Variants in PLA2G2E observed in about 807,000 individuals in gnomAD.
PLA2G2E encodes phospholipase A2 group IIE.
Under a neutral mutation model 16.5 loss-of-function variants are expected in PLA2G2E, and 14 were observed. The ratio of observed to expected loss-of-function variants is 0.85; its 90% CI spans 0.56 to 1.33. The LOEUF (loss-of-function observed/expected upper bound fraction) is 1.33, where lower values mean the gene tolerates loss of function less well. Among genes scored for constraint, PLA2G2E ranks in the 40% most tolerant of loss-of-function variants. The pLI, the probability that PLA2G2E is intolerant of heterozygous loss-of-function variation, is 0.00. For missense variants in PLA2G2E, 174 were observed against 190.7 expected (o/e 0.91, Z 0.52); for synonymous variants, 72 against 77.2 (o/e 0.93, Z 0.36).
intron 3 of PLA2G2E, among the ~76,000 whole-genome samples, chr1:19,921,677 C>A (rs2045817438): frequency 6.6e-6 from 1 of 152,256 alleles, no homozygotes; most frequent in South Asian, 2.1e-4. Flanking sequence ...GCCCACCAGG[C>A]CCTGCCCTTC....
chr1:19,922,541 CCTT>C (rs2045824451), intron 2 of PLA2G2E, 73 bp downstream of exon 2: 1 of 1,584,460 alleles, frequency 6.3e-7, no homozygotes, highest in Non-Finnish European at 8.6e-7. Context: ...AGGCTTCCCT[CCTT>C]CTCCCAGGAT....
chr1:19,920,494 T>C lies in PLA2G2E; in HGVS notation c.287-45A>G, dbSNP rs11589621. 0.016 allele frequency: 25,341 copies of C among 1,598,186 alleles called. 801 individuals are homozygous for C. Among genetic ancestry groups the C allele is most frequent in the African/African-American group, 0.13 (9,998 of 74,804 alleles). On this transcript the variant is annotated intron_variant, in intron 3 of 3. Coordinates refer to ENST00000375116, the MANE Select transcript of PLA2G2E (RefSeq NM_014589.3). This position sits in a 1 kb window ranked among gnomAD's most constrained non-coding sequence, Gnocchi z 4.3. The stretch of plus-strand genomic sequence containing the variant: ...TCAGGGACCACAGAAGCTCAGGATA[T>C]GTGTGGGACAGCTCTTGGCTGCTTC...
rs893179574 is a variant in PLA2G2E at position 19,920,293 on chromosome 1, G to A, written c.*14C>T. ...GCGGGACCTCCAGGGACGGGGGGGA[G>A]GCCGAGCATAGCCTCAGCAGGGCGG... is the stretch of plus-strand genomic sequence containing the variant. On this transcript the variant is annotated 3_prime_UTR_variant, in exon 4 of 4. Coordinates refer to ENST00000375116, the MANE Select transcript of PLA2G2E (RefSeq NM_014589.3). The surrounding 1 kb of genome is among the most constrained non-coding windows in gnomAD (Gnocchi z 4.3). The A allele has an allele frequency of 1.3e-5, 21 of 1,606,514 alleles. No homozygotes were observed. The highest frequency in any genetic ancestry group is 1.7e-5 in the Non-Finnish European group (20 of 1,175,950).
chr1:19,922,569 C>T (rs1188702022), intron 2 of PLA2G2E, 48 bp downstream of exon 2: 3 of 1,606,456 alleles, frequency 1.9e-6, no homozygotes, highest in East Asian at 2.2e-5. Context: ...CCAGGATCCC[C>T]CAGCTCCTCC....
At position 19,920,150 on chromosome 1, in the gene PLA2G2E, A is replaced by G. The variant is rs2045802974; in HGVS notation, c.*157T>C. ...GAAGGGGTAGCCTGGGAGGCTAGTG[A>G]TGGTCCAGGACATATCTCTGAGCTC... On this transcript the variant is annotated 3_prime_UTR_variant, in exon 4 of 4. Coordinates refer to ENST00000375116, the MANE Select transcript of PLA2G2E (RefSeq NM_014589.3). The surrounding 1 kb of genome is among the most constrained non-coding windows in gnomAD (Gnocchi z 4.3). 1.6e-6 allele frequency: 1 copy of G among 634,332 alleles called. No homozygotes were observed. Among genetic ancestry groups the G allele is most frequent in the African/African-American group, 1.8e-5 (1 of 54,438 alleles). The allele number at this position is 634,332 out of a possible 1,614,324, so 39.3% of individuals were successfully genotyped here.
chr1:19,922,570 C>G, intron 2 of PLA2G2E, 47 bp downstream of exon 2: 2 of 1,606,732 alleles, frequency 1.2e-6, no homozygotes, highest in Non-Finnish European at 1.7e-6. Context: ...CAGGATCCCC[C>G]AGCTCCTCCA....
intron 2 of PLA2G2E, 77 bp from the exon 3 acceptor site, chr1:19,922,481 G>A: frequency 6.5e-7 from 1 of 1,537,158 alleles, no homozygotes; most frequent in South Asian, 1.2e-5. Context: ...GGGCCCCCGA[G>A]CCCAAAGCAG....
At position 19,920,562 on chromosome 1, in the gene PLA2G2E, A is replaced by T. The variant is rs947715523; in HGVS notation, c.287-113T>A. On this transcript the variant is annotated intron_variant, in intron 3 of 3. Transcript: ENST00000375116. The surrounding 1 kb of genome is among the most constrained non-coding windows in gnomAD (Gnocchi z 4.3). ...CCTGGACCAACTCCATTCTGATGGA[A>T]GCCCAAGCTCCCGGGTTGTTTCACG... 2.8e-6 allele frequency: 3 copies of T among 1,074,300 alleles called. No individual in the cohort carries two copies. The African/African-American group carries it at 4.7e-5, about 17-fold the overall frequency. The allele number at this position is 1,074,300 out of a possible 1,614,324, so 66.5% of individuals were successfully genotyped here.
intron 1 of PLA2G2E, 35 bp from the exon 2 acceptor site, chr1:19,922,790 C>G (rs1557688786): frequency 1.3e-6 from 2 of 1,493,430 alleles, no homozygotes; most frequent in Non-Finnish European, 1.8e-6. Context: ...AGAGGGAGGG[C>G]CCCACCCTCT....
intron 1 of PLA2G2E, among the ~76,000 whole-genome samples, chr1:19,922,981 C>T (rs1557688877): frequency 6.6e-6 from 1 of 152,134 alleles, no homozygotes; most frequent in Non-Finnish European, 1.5e-5. Flanking sequence ...TGTGTCAGCG[C>T]CCCCAGTGTC....
At chr1:19,922,896 C>T in intron 1 of PLA2G2E, 141 bp from the exon 2 acceptor site, 1 of 855,324 alleles carries the variant, frequency 1.2e-6, no homozygotes, top group Non-Finnish European at 1.8e-6. Flanking sequence ...CCACTCTCAA[C>T]AACAACCGTG....
rs750095660 is a variant in PLA2G2E, at chr1:19,920,270, G to A, written c.*37C>T. ...GCCTGGGACTACAGCAGCCCGAGGC[G>A]GGACCTCCAGGGACGGGGGGGAGGC... On this transcript the variant is annotated 3_prime_UTR_variant, in exon 4 of 4. Coordinates refer to ENST00000375116, the MANE Select transcript of PLA2G2E (RefSeq NM_014589.3). The surrounding 1 kb of genome is among the most constrained non-coding windows in gnomAD (Gnocchi z 4.3). 59 of 1,588,230 alleles carry A rather than the reference G, an allele frequency of 3.7e-5. No homozygotes were observed. The African/African-American group carries it at 5.6e-4, about 15-fold the overall frequency.
chr1:19,923,334 T>C (rs1386265503), intron 1 of PLA2G2E, among the ~76,000 whole-genome samples, 186 bp downstream of exon 1: 1 of 152,118 alleles, frequency 6.6e-6, no homozygotes, highest in Non-Finnish European at 1.5e-5. Context: ...TGCATTCTCC[T>C]CCCCTCTGCT....
chr1:19,920,080 G>A lies in PLA2G2E; in HGVS notation c.*227C>T, dbSNP rs896185430. 2 of 508,456 alleles carry A rather than the reference G, an allele frequency of 3.9e-6. No individual in the cohort carries two copies. Among genetic ancestry groups the A allele is most frequent in the African/African-American group, 3.8e-5 (2 of 52,382 alleles). The allele number at this position is 508,456 out of a possible 1,614,324, so 31.5% of individuals were successfully genotyped here. On this transcript the variant is annotated 3_prime_UTR_variant, in exon 4 of 4. Coordinates refer to ENST00000375116, the MANE Select transcript of PLA2G2E (RefSeq NM_014589.3). The surrounding 1 kb of genome is among the most constrained non-coding windows in gnomAD (Gnocchi z 4.3). ...CCAGAAGCTAGTGACAGTCTTCTGG[G>A]TGCTGAAGGGTCCATGGCTCCTGGG...
rs761198842 is a variant in PLA2G2E, at chr1:19,920,291, G to C, written c.*16C>G. On this transcript the variant is annotated 3_prime_UTR_variant, in exon 4 of 4. Transcript: ENST00000375116. This position sits in a 1 kb window ranked among gnomAD's most constrained non-coding sequence, Gnocchi z 4.3. ...AGGCGGGACCTCCAGGGACGGGGGG[G>C]AGGCCGAGCATAGCCTCAGCAGGGC... is the stretch of plus-strand genomic sequence containing the variant. The C allele has an allele frequency of 4.4e-6, 7 of 1,606,536 alleles. No homozygotes were observed. The highest frequency in any genetic ancestry group is 1.3e-5 in the African/African-American group (1 of 74,796).
At position 19,920,287 on chromosome 1, in the gene PLA2G2E, G is replaced by A. The variant is rs547911129; in HGVS notation, c.*20C>T. On this transcript the variant is annotated 3_prime_UTR_variant, in exon 4 of 4. Transcript: ENST00000375116. This position sits in a 1 kb window ranked among gnomAD's most constrained non-coding sequence, Gnocchi z 4.3. ...CCCGAGGCGGGACCTCCAGGGACGGGGGGGAGGCCGAGCATAGCCTCAGCA... is the reference window on the plus strand; with the variant it reads ...CCCGAGGCGGGACCTCCAGGGACGGAGGGGAGGCCGAGCATAGCCTCAGCA... 4.6e-4 allele frequency: 739 copies of A among 1,605,164 alleles called. 1 individual carries two copies. Among genetic ancestry groups the A allele is most frequent in the Non-Finnish European group, 5.7e-4 (668 of 1,175,240 alleles).
rs1395488767 is a variant in PLA2G2E, at chr1:19,920,525, C to T, written c.287-76G>A. The T allele has an allele frequency of 3.4e-6, 5 of 1,490,002 alleles. No homozygotes were observed. Among genetic ancestry groups the T allele is most frequent in the Non-Finnish European group, 3.7e-6 (4 of 1,094,334 alleles). The allele number at this position is 1,490,002 out of a possible 1,614,324, so 92.3% of individuals were successfully genotyped here. A position where few individuals can be genotyped will look rare whatever the true frequency, so the allele number is the denominator to read the frequency against. On this transcript the variant is annotated intron_variant, in intron 3 of 3. Coordinates refer to ENST00000375116, the MANE Select transcript of PLA2G2E (RefSeq NM_014589.3). This position sits in a 1 kb window ranked among gnomAD's most constrained non-coding sequence, Gnocchi z 4.3. ...GGACAGCTCTTGGCTGCTTCTGGGT[C>T]CACGTTCTTGACCTGGACCAACTCC...
rs773798307 is a variant in PLA2G2E, at chr1:19,920,457, G to A, written c.287-8C>T. On this transcript the variant is annotated splice_region_variant and splice_polypyrimidine_tract_variant and intron_variant, in intron 3 of 3. Transcript: ENST00000375116. This position sits in a 1 kb window ranked among gnomAD's most constrained non-coding sequence, Gnocchi z 4.3. ...GGCAGGTGGTCCTGCCGGCTGGATG[G>A]GACAAAGTGAGTCAGGGACCACAGA... The A allele has an allele frequency of 6.2e-7, 1 of 1,612,810 alleles. No homozygotes were observed. Among genetic ancestry groups the A allele is most frequent in the Admixed American group, 1.7e-5 (1 of 60,012 alleles).
Position 19,923,494 on chromosome 1 carries a change from G to A in PLA2G2E, c.40+26C>T. The A allele has an allele frequency of 2.6e-6, 4 of 1,544,104 alleles. No homozygotes were observed. The South Asian group carries it at 3.6e-5, about 14-fold the overall frequency. ...CTTGGGGTTGCCAGATGGGGCAGAA[G>A]GCTGAAGGTCACAAAGATCACTTAC... is the stretch of plus-strand genomic sequence containing the variant. On this transcript the variant is annotated intron_variant, in intron 1 of 3. Transcript: ENST00000375116.
Sources: allele counts gnomAD v4.1 joint callset (sites outside exome capture counted in the v4.1 genomes callset), GRCh38; gene constraint gnomAD v4.1.1; non-coding constraint Gnocchi (gnomAD v3.1); transcripts MANE v1.5; gene names NCBI Gene and HGNC (gene_info 2026-07-23, HGNC 2026-07-21).